Variants in PEMT observed in about 807,000 individuals in gnomAD.
PEMT encodes phosphatidylethanolamine N-methyltransferase.
In PEMT, 23 loss-of-function variants were observed where a neutral mutation model predicts 27.4. The observed-to-expected ratio is 0.84, with a 90% CI of 0.60 to 1.19. The LOEUF (loss-of-function observed/expected upper bound fraction) is 1.19. PEMT is among the 50% of genes most tolerant of loss of function. PEMT has a pLI of 0.00. For synonymous variants in PEMT, 137 were observed against 139.1 expected, an observed-to-expected ratio of 0.98 and a Z score of 0.11; for missense variants, 307 against 310.1, an observed-to-expected ratio of 0.99 and a Z score of 0.07.
intron 2 of PEMT, among the ~76,000 whole-genome samples, chr17:17,526,793 T>C (rs955041452): frequency 3.9e-5 from 6 of 152,262 alleles, no homozygotes; most frequent in Admixed American, 2.6e-4. Flanking sequence ...ACTCATAGCA[T>C]GTTTAAAATA....
intron 1 of PEMT, 26 bp from the exon 2 acceptor site, chr17:17,577,053 A>G (rs773433147): frequency 3.2e-6 from 5 of 1,556,618 alleles, no homozygotes; most frequent in Non-Finnish European, 4.4e-6. Context: ...TAGCATCAGC[A>G]CCACCCAGAC....
intron 2 of PEMT, among the ~76,000 whole-genome samples, chr17:17,560,741 C>T (rs1023575290): frequency 1.2e-4 from 19 of 152,202 alleles, no homozygotes; most frequent in Admixed American, 1.2e-3. Flanking sequence ...ACCAAGCCAC[C>T]CTTCGCGTCC....
chr17:17,514,372 A>G (rs1014548841), intron 3 of PEMT, among the ~76,000 whole-genome samples: 2 of 152,322 alleles, frequency 1.3e-5, no homozygotes, highest in East Asian at 3.9e-4. Context: ...GTGCATATTC[A>G]TCGACTGGAG....
chr17:17,574,231 A>C (rs930333288), intron 2 of PEMT, among the ~76,000 whole-genome samples: 9 of 147,330 alleles, frequency 6.1e-5, no homozygotes, highest in Non-Finnish European at 1.2e-4. Flanking sequence ...GAGACTAATC[A>C]AAAGCTTATG....
intron 2 of PEMT, among the ~76,000 whole-genome samples, chr17:17,524,145 AC>A (rs1483704702): frequency 2.6e-5 from 4 of 152,188 alleles, no homozygotes; most frequent in African/African-American, 7.2e-5. Flanking sequence ...GATTTTGTCC[AC>A]CGGTTCAGCA....
chr17:17,587,391 CT>C (rs1398755621), intron 1 of PEMT, among the ~76,000 whole-genome samples: 1 of 152,098 alleles, frequency 6.6e-6, no homozygotes, highest in East Asian at 1.9e-4. Flanking sequence ...AATCCTTTAT[CT>C]TTTAAAGGAT....
intron 3 of PEMT, among the ~76,000 whole-genome samples, chr17:17,521,451 G>A (rs70959702): frequency 6.6e-6 from 1 of 152,290 alleles, no homozygotes; most frequent in East Asian, 1.9e-4. Context: ...TCGCTCCCAA[G>A]TGCAGTGGGC....
At chr17:17,572,796 T>C (rs1911295565) in intron 2 of PEMT, among the ~76,000 whole-genome samples, 1 of 152,232 alleles carries the variant, frequency 6.6e-6, no homozygotes, top group South Asian at 2.1e-4. Flanking sequence ...CAGCATTTGC[T>C]GTGAAGATTC....
At chr17:17,587,991 G>C (rs577741053) in intron 1 of PEMT, among the ~76,000 whole-genome samples, 3 of 152,278 alleles carry the variant, frequency 2.0e-5, no homozygotes, top group African/African-American at 7.2e-5. Flanking sequence ...TAATATGTTA[G>C]GACCAGCCAG....
chr17:17,585,431 G>A (rs1403921606), intron 1 of PEMT, among the ~76,000 whole-genome samples: 1 of 152,194 alleles, frequency 6.6e-6, no homozygotes, highest in African/African-American at 2.4e-5. Context: ...CACAGTTCTT[G>A]TTAGGGCCCT....
At chr17:17,551,549 G>T (rs1052193808) in intron 2 of PEMT, among the ~76,000 whole-genome samples, 2 of 152,196 alleles carry the variant, frequency 1.3e-5, no homozygotes, top group African/African-American at 4.8e-5. Context: ...CCTGTCTGGG[G>T]CTGAGATGCT....
chr17:17,506,962 G>A (rs751620369), intron 5 of PEMT: 46 of 586,596 alleles, frequency 7.8e-5, no homozygotes, highest in Non-Finnish European at 1.1e-4. Flanking sequence ...CCCAGAGGAC[G>A]GGAGGCCCCA....
At chr17:17,554,360 A>G (rs939305349) in intron 2 of PEMT, among the ~76,000 whole-genome samples, 3 of 151,848 alleles carry the variant, frequency 2.0e-5, no homozygotes, top group Non-Finnish European at 4.4e-5. Context: ...CCCATGTCCT[A>G]CTCTAGAGAG....
At chr17:17,574,398 C>A (rs1911438244) in intron 2 of PEMT, among the ~76,000 whole-genome samples, 1 of 149,362 alleles carries the variant, frequency 6.7e-6, no homozygotes, top group South Asian at 2.1e-4. Context: ...CGGCTCACTG[C>A]AACCTCCGCC....
At chr17:17,564,866 A>C (rs1910719657) in intron 2 of PEMT, among the ~76,000 whole-genome samples, 2 of 152,148 alleles carry the variant, frequency 1.3e-5, no homozygotes, top group African/African-American at 4.8e-5. Context: ...CCTTGGGAGA[A>C]AGGCCTCCAG....
chr17:17,572,030 C>T (rs1051839884), intron 2 of PEMT, among the ~76,000 whole-genome samples: 2 of 152,186 alleles, frequency 1.3e-5, no homozygotes, highest in African/African-American at 2.4e-5. Flanking sequence ...CAAGGACATC[C>T]GTGTCTGACA....
At chr17:17,532,437 A>G (rs1284076744) in intron 2 of PEMT, among the ~76,000 whole-genome samples, 1 of 152,242 alleles carries the variant, frequency 6.6e-6, no homozygotes, top group East Asian at 1.9e-4. Flanking sequence ...ATAGCAATTA[A>G]AGGAGTAAAA....
At chr17:17,534,615 T>C (rs992492232) in intron 2 of PEMT, among the ~76,000 whole-genome samples, 1 of 152,182 alleles carries the variant, frequency 6.6e-6, no homozygotes, top group African/African-American at 2.4e-5. Context: ...GGCAGGAGGA[T>C]TGCTTGAACC....
chr17:17,552,555 G>A (rs1054161739), intron 2 of PEMT, among the ~76,000 whole-genome samples: 5 of 152,224 alleles, frequency 3.3e-5, no homozygotes, highest in Non-Finnish European at 5.9e-5. Flanking sequence ...CCATCAGGGC[G>A]GTGGGGAGTC....
Sources: gnomAD v4.1 joint callset for allele counts (sites outside exome capture counted in the v4.1 genomes callset) on GRCh38, gnomAD v4.1.1 for gene constraint, MANE v1.5 for transcripts, NCBI Gene and HGNC (gene_info 2026-07-23, HGNC 2026-07-21) for gene names.